The following CALB1 variants were observed in gnomAD, a reference collection of about 807,000 sequenced individuals.
CALB1 encodes the protein calbindin 1, also known as calbindin.
Under a neutral mutation model 46.7 loss-of-function variants are expected in CALB1, and 16 were observed. The ratio of observed to expected loss-of-function variants is 0.34; its 90% CI spans 0.23 to 0.52. The LOEUF (loss-of-function observed/expected upper bound fraction) is 0.52, where lower values mean the gene tolerates loss of function less well. CALB1 is among the 20% of genes least tolerant of loss of function. CALB1 has a pLI of 0.95. For synonymous variants in CALB1, 90 were observed against 112.8 expected (o/e 0.80, Z 1.28); for missense variants, 224 against 300.3 (o/e 0.75, Z 1.88).
Position 90,081,956 on chromosome 8 carries a change from G to T in CALB1, c.156+70C>A, listed in dbSNP as rs1202388089. 3 of 1,389,658 alleles carry T rather than the reference G, an allele frequency of 2.2e-6. No individual in the cohort carries two copies. In the Admixed American group the frequency reaches 5.6e-5, roughly 26 times the overall value. The allele number at this position is 1,389,658 out of a possible 1,614,324, so 86.1% of individuals were successfully genotyped here. A position where few individuals can be genotyped will look rare whatever the true frequency, so the allele number is the denominator to read the frequency against. ...AAGCGCTTTACGCTACTGGCTTTTT[G>T]TGAAAACACAAGAATGTTTTAATTT... is the stretch of plus-strand genomic sequence containing the variant. On this transcript the variant is annotated intron_variant, in intron 2 of 10. Transcript: ENST00000265431.
chr8:90,082,744 T>C lies in CALB1; in HGVS notation c.-47A>G. ...GGGTGTGTGAATATGCGTGTGTCTG[T>C]GTCCGCGCGAGGGGGAGTGAGCAAA... On this transcript the variant is annotated 5_prime_UTR_variant, in exon 1 of 11. Coordinates refer to ENST00000265431, the MANE Select transcript of CALB1 (RefSeq NM_004929.4). The C allele has an allele frequency of 6.4e-7, 1 of 1,561,204 alleles. No homozygotes were observed. The highest frequency in any genetic ancestry group is 8.8e-7 in the Non-Finnish European group (1 of 1,132,144).
At chr8:90,080,216 T>C (rs1300716925) in intron 2 of CALB1, among the ~76,000 whole-genome samples, 1 of 151,924 alleles carries the variant, frequency 6.6e-6, no homozygotes, top group Non-Finnish European at 1.5e-5. Context: ...TAATTGGAGC[T>C]TTGAATATTC....
intron 1 of CALB1, 133 bp downstream of exon 1, chr8:90,082,486 A>C (rs1814750008): frequency 2.7e-6 from 2 of 750,896 alleles, no homozygotes; most frequent in East Asian, 5.3e-5. Flanking sequence ...TAAGAAGATA[A>C]GATTAGGCAG....
intron 3 of CALB1, among the ~76,000 whole-genome samples, chr8:90,075,517 G>A (rs1462100814): frequency 6.6e-6 from 1 of 152,046 alleles, no homozygotes; most frequent in African/African-American, 2.4e-5. Flanking sequence ...GCTAGAATTT[G>A]TGTATTTGTG....
chr8:90,074,710 G>C (rs899791812), intron 3 of CALB1, among the ~76,000 whole-genome samples: 1 of 152,130 alleles, frequency 6.6e-6, no homozygotes, highest in African/African-American at 2.4e-5. Context: ...TCCCTGGGAG[G>C]GTTGTTACAG....
chr8:90,065,169 G>A (rs560425134), intron 6 of CALB1, among the ~76,000 whole-genome samples: 2 of 151,466 alleles, frequency 1.3e-5, no homozygotes, highest in South Asian at 4.2e-4. Context: ...AGCAAACTTC[G>A]TCCAATAGAA....
In CALB1 at chr8:90,061,400, C is replaced by T. The variant is rs1814294697; in HGVS notation, c.601-700G>A. 2.6e-5 allele frequency: 4 copies of T among 152,086 alleles called. No individual in the cohort carries two copies. In the South Asian group the frequency reaches 8.3e-4, roughly 32 times the overall value. The allele number at this position is 152,086 out of a possible 1,614,324, so 9.4% of individuals were successfully genotyped here. ...TGAAGAATCAAATTATAGATAAGAA[C>T]AAAATTTTAAGGCATCCAAATTGGA... is the stretch of plus-strand genomic sequence containing the variant. On this transcript the variant is annotated intron_variant, in intron 9 of 10. Coordinates refer to ENST00000265431, the MANE Select transcript of CALB1 (RefSeq NM_004929.4).
At chr8:90,068,101 T>A (rs1025308070) in intron 5 of CALB1, among the ~76,000 whole-genome samples, 3 of 152,200 alleles carry the variant, frequency 2.0e-5, no homozygotes, top group Non-Finnish European at 4.4e-5. Context: ...AATACTTCCA[T>A]ATTCCTGAAA....
At chr8:90,063,494 T>A (rs1235649120) in intron 6 of CALB1, 33 bp from the exon 7 acceptor site, 27 of 1,557,492 alleles carry the variant, frequency 1.7e-5, no homozygotes, top group Non-Finnish European at 2.4e-5. Flanking sequence ...TCTAGCTATT[T>A]GAGGAATAAT....
At chr8:90,074,371 G>A (rs1814584188) in intron 3 of CALB1, among the ~76,000 whole-genome samples, 1 of 152,106 alleles carries the variant, frequency 6.6e-6, no homozygotes, top group Non-Finnish European at 1.5e-5. Flanking sequence ...AGGAAACAGA[G>A]GCTCAAAGAG....
At chr8:90,082,335 T>A (rs895121220) in intron 1 of CALB1, 1 of 600,118 alleles carries the variant, frequency 1.7e-6, no homozygotes, top group East Asian at 2.8e-5. Flanking sequence ...CACAGAAACT[T>A]TGGGGGGGCA....
chr8:90,078,526 C>T, intron 2 of CALB1, 79 bp from the exon 3 acceptor site: 3 of 763,238 alleles, frequency 3.9e-6, no homozygotes, highest in South Asian at 1.6e-5. Context: ...TAACTTACTG[C>T]AAAGAAAAAC....
chr8:90,060,945 A>G lies in CALB1; in HGVS notation c.601-245T>C, dbSNP rs1176238501. ...CTTGAACTTTTCAAAGTACTTACAC[A>G]TGTAATTCACTTAATGTTAATAATA... On this transcript the variant is annotated intron_variant, in intron 9 of 10. Coordinates refer to ENST00000265431, the MANE Select transcript of CALB1 (RefSeq NM_004929.4). 50 of 467,026 alleles carry G rather than the reference A, an allele frequency of 1.1e-4. No individual in the cohort carries two copies. In the East Asian group the frequency reaches 1.9e-3, roughly 18 times the overall value. 28.9% of individuals were successfully genotyped at this position (467,026 alleles called of 1,614,324 possible).
chr8:90,068,882 T>A (rs1421626355), intron 5 of CALB1, 116 bp downstream of exon 5: 2 of 674,410 alleles, frequency 3.0e-6, no homozygotes, highest in Non-Finnish European at 5.0e-6. Flanking sequence ...TAGGTGAAAA[T>A]GTGACACTGT....
chr8:90,060,248 GTTC>G lies in CALB1; in HGVS notation c.708_710del (p.Lys236del), dbSNP rs781263092. The G allele has an allele frequency of 1.9e-6, 3 of 1,611,482 alleles. No individual in the cohort carries two copies. The highest frequency in any genetic ancestry group is 1.7e-6 in the Non-Finnish European group (2 of 1,177,768). On this transcript the variant is annotated inframe_deletion, in exon 11 of 11. Transcript: ENST00000265431. ...TCCCTCCATCCGACAAAGCCATTAT[GTTC>G]TTCTTGTATGTTGTAATATTATTAA...
At chr8:90,065,635 A>G (rs566209946) in intron 6 of CALB1, among the ~76,000 whole-genome samples, 153 of 152,002 alleles carry the variant, frequency 1.0e-3, no homozygotes, top group African/African-American at 3.6e-3. Context: ...AAAACAAGTC[A>G]TCTTTTGATA....
chr8:90,077,559 A>G (rs568673238), intron 3 of CALB1, among the ~76,000 whole-genome samples: 1 of 152,140 alleles, frequency 6.6e-6, no homozygotes, highest in East Asian at 1.9e-4. Flanking sequence ...CTTCCACCCA[A>G]TTTCTCTAAT....
Position 90,060,199 on chromosome 8 carries a change from G to A in CALB1, c.760C>T (p.Leu254Phe), listed in dbSNP as rs200713978. ...TAGTTATCCCCAGCACAGAGAATAAGAGCAAGATCCGTTCGGTACAGCTTC... is the reference window on the plus strand; with the variant it reads ...TAGTTATCCCCAGCACAGAGAATAAAAGCAAGATCCGTTCGGTACAGCTTC... ...GGKLYRTDLALILCAGDN is the reference protein window; with the variant it reads ...GGKLYRTDLAFILCAGDN The change falls in exon 11 of 11, where the codon CTT becomes TTT. Residue 254 changes from leucine (L) to phenylalanine (F), a missense_variant. By Grantham distance (22) the Leu-to-Phe change is conservative. Transcript: ENST00000265431. 1.2e-6 allele frequency: 2 copies of A among 1,613,356 alleles called. No individual in the cohort carries two copies. The highest frequency in any genetic ancestry group is 3.3e-5 in the Admixed American group (2 of 60,014).
chr8:90,066,784 A>G (rs1440568273), intron 5 of CALB1, among the ~76,000 whole-genome samples: 1 of 152,114 alleles, frequency 6.6e-6, no homozygotes, highest in Non-Finnish European at 1.5e-5. Context: ...ACTTTATAAT[A>G]GTCATTCATT....
Sources: allele counts gnomAD v4.1 joint callset (sites outside exome capture counted in the v4.1 genomes callset), GRCh38; gene constraint gnomAD v4.1.1; transcripts MANE v1.5; gene names NCBI Gene and HGNC (gene_info 2026-07-23, HGNC 2026-07-21).